TNNI3K: variants seen among roughly 807,000 people sequenced by gnomAD.
TNNI3K encodes the protein serine/threonine-protein kinase TNNI3K.
A neutral mutation model predicts 114.5 loss-of-function variants in TNNI3K; 140 were observed. The observed-to-expected ratio is 1.22, with a 90% CI of 1.07 to 1.41. TNNI3K has a LOEUF of 1.41. TNNI3K is among the 40% of genes most tolerant of loss of function. The pLI, the probability that TNNI3K is intolerant of heterozygous loss-of-function variation, is 0.00. For missense variants in TNNI3K, 1,125 were observed against 1,007.6 expected (o/e 1.12, Z -1.58); for synonymous variants, 347 against 347.5 (o/e 1.00, Z 0.02).
chr1:74,401,663 A>G (rs983550844), intron 17 of TNNI3K, among the ~76,000 whole-genome samples: 1 of 152,208 alleles, frequency 6.6e-6, no homozygotes, highest in Non-Finnish European at 1.5e-5. Flanking sequence ...TAATTCTCCC[A>G]TTAGGAGGTT....
intron 17 of TNNI3K, among the ~76,000 whole-genome samples, chr1:74,429,882 G>T (rs1487311498): frequency 6.6e-6 from 1 of 152,064 alleles, no homozygotes; most frequent in Non-Finnish European, 1.5e-5. Flanking sequence ...AGAAAACAGT[G>T]GCTTATAGGA....
chr1:74,396,859 C>T (rs1258485885), intron 17 of TNNI3K, among the ~76,000 whole-genome samples: 4 of 152,130 alleles, frequency 2.6e-5, no homozygotes, highest in African/African-American at 4.8e-5. Flanking sequence ...ATCCAGAGGA[C>T]CCAGTAGGGC....
intron 5 of TNNI3K, among the ~76,000 whole-genome samples, chr1:74,294,682 C>T (rs539326420): frequency 6.6e-6 from 1 of 152,078 alleles, no homozygotes; most frequent in Non-Finnish European, 1.5e-5. Flanking sequence ...AATTTATTGG[C>T]ATAAATTTGA....
At chr1:74,422,288 T>A (rs1036940506) in intron 17 of TNNI3K, among the ~76,000 whole-genome samples, 72 of 152,212 alleles carry the variant, frequency 4.7e-4, no homozygotes, top group African/African-American at 1.6e-3. Context: ...TTTATTTATA[T>A]CCTATTAGAA....
intron 20 of TNNI3K, among the ~76,000 whole-genome samples, chr1:74,458,391 A>G (rs1667315036): frequency 6.6e-6 from 1 of 152,180 alleles, no homozygotes; most frequent in Admixed American, 6.5e-5. Flanking sequence ...GCCAGACTGA[A>G]AATTAGACCT....
intron 11 of TNNI3K, 83 bp downstream of exon 11, chr1:74,354,212 C>CT: frequency 6.4e-7 from 1 of 1,564,518 alleles, no homozygotes. Context: ...AATTACTTTG[C>CT]TTGCATGACT....
intron 11 of TNNI3K, among the ~76,000 whole-genome samples, chr1:74,360,371 A>T (rs1230144516): frequency 6.6e-6 from 1 of 151,952 alleles, no homozygotes; most frequent in Non-Finnish European, 1.5e-5. Context: ...CTTGAACCTC[A>T]TATCCTCTTA....
chr1:74,331,354 C>A, intron 5 of TNNI3K, 96 bp from the exon 6 acceptor site: 1 of 1,289,310 alleles, frequency 7.8e-7, no homozygotes, highest in Non-Finnish European at 1.1e-6. Flanking sequence ...AGGGTGGCAA[C>A]TCCTGATGAA....
chr1:74,407,197 G>T (rs190374851), intron 17 of TNNI3K, among the ~76,000 whole-genome samples: 4 of 152,282 alleles, frequency 2.6e-5, no homozygotes, highest in African/African-American at 9.6e-5. Context: ...AAAATATTCA[G>T]CTAATGATAG....
At chr1:74,315,762 A>G (rs986165302) in intron 5 of TNNI3K, among the ~76,000 whole-genome samples, 8 of 152,122 alleles carry the variant, frequency 5.3e-5, no homozygotes, top group African/African-American at 1.7e-4. Flanking sequence ...TTAAGAGTTC[A>G]TGCTATCTGT....
At chr1:74,333,168 A>T (rs1009812138) in intron 6 of TNNI3K, among the ~76,000 whole-genome samples, 5 of 152,180 alleles carry the variant, frequency 3.3e-5, no homozygotes, top group South Asian at 2.1e-4. Context: ...GATCAAACTT[A>T]CTTGTGTCCC....
chr1:74,271,659 A>G lies in TNNI3K; in HGVS notation c.395A>G (p.Tyr132Cys). The G allele has an allele frequency of 6.2e-7, 1 of 1,609,856 alleles. No individual in the cohort carries two copies. Residue 132 changes from tyrosine to cysteine, a missense_variant, in exon 5 of 25, where the codon TAC (tyrosine) becomes TGC (cysteine). Physicochemically the swap from Tyr to Cys is radical, Grantham distance 194 (BLOSUM62 -2). Transcript: ENST00000326637. The part of the protein sequence containing the change: ...HSGADIQQVG[Y>C]GGLTALHIAT... The stretch of plus-strand genomic sequence containing the variant: ...GGAGCTGATATACAGCAGGTTGGAT[A>G]CGGTGGCCTCACTGCCCTCCATATT...
intron 21 of TNNI3K, among the ~76,000 whole-genome samples, chr1:74,486,414 G>A (rs1259374008): frequency 6.6e-6 from 1 of 151,812 alleles, no homozygotes; most frequent in Admixed American, 6.6e-5. Flanking sequence ...ATACTGAATG[G>A]TAGTATCAAT....
intron 23 of TNNI3K, among the ~76,000 whole-genome samples, chr1:74,503,821 TCTC>T (rs1232918980): frequency 6.6e-6 from 1 of 152,116 alleles, no homozygotes; most frequent in East Asian, 1.9e-4. Flanking sequence ...AATCAGAAAA[TCTC>T]CTAATGTTGT....
intron 17 of TNNI3K, among the ~76,000 whole-genome samples, chr1:74,433,687 G>C (rs1665996277): frequency 6.6e-6 from 1 of 152,016 alleles, no homozygotes; most frequent in African/African-American, 2.4e-5. Flanking sequence ...TGTTTGACTT[G>C]TTACTGTTTT....
intron 17 of TNNI3K, among the ~76,000 whole-genome samples, chr1:74,407,015 T>G (rs1017863710): frequency 2.4e-4 from 36 of 152,222 alleles, no homozygotes; most frequent in Non-Finnish European, 7.3e-5. Flanking sequence ...CATCCAAGCC[T>G]TCCAACAATA....
intron 5 of TNNI3K, among the ~76,000 whole-genome samples, chr1:74,305,825 C>T (rs1658598952): frequency 6.6e-6 from 1 of 152,112 alleles, no homozygotes; most frequent in Non-Finnish European, 1.5e-5. Context: ...ATATAAAATA[C>T]ACATTTATTG....
chr1:74,408,182 G>A (rs1348848049), intron 17 of TNNI3K, among the ~76,000 whole-genome samples: 1 of 152,040 alleles, frequency 6.6e-6, no homozygotes, highest in African/African-American at 2.4e-5. Context: ...TTGTTTCCAC[G>A]ACAAAATACA....
chr1:74,467,836 C>G (rs1216275715), intron 21 of TNNI3K, among the ~76,000 whole-genome samples: 1 of 152,062 alleles, frequency 6.6e-6, no homozygotes, highest in Non-Finnish European at 1.5e-5. Flanking sequence ...GAATTAAAAT[C>G]TCTCAGATGG....
Sources: allele counts gnomAD v4.1 joint callset (sites outside exome capture counted in the v4.1 genomes callset), GRCh38; gene constraint gnomAD v4.1.1; transcripts MANE v1.5; gene names NCBI Gene and HGNC (gene_info 2026-07-23, HGNC 2026-07-21).